The following NRP2 variants were observed in gnomAD, a reference collection of about 807,000 sequenced individuals.
NRP2 encodes the protein neuropilin 2, also known as neuropilin-2.
NRP2 carries 52 observed loss-of-function variants against 110.4 expected under a neutral mutation model. The ratio of observed to expected loss-of-function variants is 0.47; its 90% CI spans 0.38 to 0.59. The LOEUF is 0.59. Among genes scored for constraint, NRP2 ranks in the 20% least tolerant of loss-of-function variants. The probability of loss-of-function intolerance (pLI) is 0.00; values close to 1 mark genes in which losing one functional copy is unlikely to be tolerated. For synonymous variants in NRP2, 508 were observed against 468.9 expected, an observed-to-expected ratio of 1.08 and a Z score of -1.08; for missense variants, 1,049 against 1,203.0, an observed-to-expected ratio of 0.87 and a Z score of 1.89.
At chr2:205,764,063 C>CG in intron 13 of NRP2, 127 bp downstream of exon 13, 2 of 1,158,970 alleles carry the variant, frequency 1.7e-6, no homozygotes, top group Non-Finnish European at 1.2e-6. Flanking sequence ...GCCATGGCAA[C>CG]TGAATGACAC....
At chr2:205,750,528 C>T (rs772508589) in intron 11 of NRP2, among the ~76,000 whole-genome samples, 2 of 152,180 alleles carry the variant, frequency 1.3e-5, no homozygotes, top group Non-Finnish European at 1.5e-5. Context: ...CATTTATCTT[C>T]GGAGTATATC....
chr2:205,779,635 C>G (rs2058151235), intron 15 of NRP2: 1 of 152,116 alleles, frequency 6.6e-6, no homozygotes, highest in Non-Finnish European at 1.5e-5. Context: ...GCCTGTGTGT[C>G]AAAATAACTT....
At chr2:205,743,825 C>A in intron 9 of NRP2, 3 of 490,004 alleles carry the variant, frequency 6.1e-6, no homozygotes, top group Non-Finnish European at 1.0e-5. Context: ...CTCACTGCAA[C>A]CTCCGCCTCC....
chr2:205,708,413 A>C lies in NRP2; in HGVS notation c.252-7780A>C, dbSNP rs566947234. Among the ~76,000 whole-genome samples, 4 of 152,306 alleles carry C rather than the reference A, an allele frequency of 2.6e-5. No homozygotes were observed. In the East Asian group the frequency reaches 7.7e-4, roughly 29 times the overall value. The stretch of plus-strand genomic sequence containing the variant: ...TGCTGGCCAGCCAGGTCAGCGAGGG[A>C]AATGGTATTCACCCAAAGGACCAGT... On this transcript the variant is annotated intron_variant, in intron 2 of 16. Coordinates refer to ENST00000357785, the MANE Select transcript of NRP2 (RefSeq NM_003872.3).
chr2:205,789,218 G>A (rs1186450107), intron 15 of NRP2, among the ~76,000 whole-genome samples: 4 of 152,152 alleles, frequency 2.6e-5, no homozygotes, highest in Admixed American at 1.3e-4. Context: ...AATGCAGACT[G>A]GGGATCCACC....
At chr2:205,764,504 C>G (rs1486843735) in intron 13 of NRP2, 1 of 158,106 alleles carries the variant, frequency 6.3e-6, no homozygotes, top group African/African-American at 2.4e-5. Context: ...GTATGTTCAG[C>G]CGTGGTTGCA....
chr2:205,755,140 C>T (rs907458219), intron 12 of NRP2, among the ~76,000 whole-genome samples: 10 of 152,158 alleles, frequency 6.6e-5, no homozygotes, highest in Admixed American at 1.3e-4. Flanking sequence ...GGCCTTCACC[C>T]GAAAGCCCCT....
chr2:205,710,071 G>C (rs935505904), intron 2 of NRP2, among the ~76,000 whole-genome samples: 1 of 152,132 alleles, frequency 6.6e-6, no homozygotes, highest in Non-Finnish European at 1.5e-5. Context: ...CAACTCAAAA[G>C]AGCAAGATTC....
Position 205,725,472 on chromosome 2 carries a change from T to A in NRP2, c.821-441T>A, listed in dbSNP as rs1020958605. Reference sequence around the variant, plus strand: ...TTCTGTGCCAGAACTCACAAGACAGTTGAGTGAAAAAAGAAAGAAGCAAAA... The same window carrying A: ...TTCTGTGCCAGAACTCACAAGACAGATGAGTGAAAAAAGAAAGAAGCAAAA... On this transcript the variant is annotated intron_variant, in intron 5 of 16. Coordinates refer to ENST00000357785, the MANE Select transcript of NRP2 (RefSeq NM_003872.3). The surrounding 1 kb of genome is among the most constrained non-coding windows in gnomAD (Gnocchi z 4.1). 1.3e-4 allele frequency among the ~76,000 whole-genome samples: 20 copies of A among 152,114 alleles called. No homozygotes were observed. Among genetic ancestry groups the A allele is most frequent in the African/African-American group, 4.6e-4 (19 of 41,402 alleles).
Position 205,745,751 on chromosome 2 carries a change from C to T in NRP2, c.1647C>T (p.Phe549=), listed in dbSNP as rs748880896. 7.4e-6 allele frequency: 12 copies of T among 1,613,970 alleles called. No individual in the cohort carries two copies. Among genetic ancestry groups the T allele is most frequent in the African/African-American group, 6.7e-5 (5 of 74,928 alleles). ...QDPRTQQPKL[F]EGNMHYDTPD... ...AGTGGCCTCTCTCCCTGCAGCTGTT[C>T]GAAGGGAACATGCACTATGACACCC... is the stretch of plus-strand genomic sequence containing the variant. Residue 549 remains phenylalanine, a synonymous_variant, in exon 10 of 17, where the codon TTC becomes TTT. Transcript: ENST00000357785.
chr2:205,771,611 T>C (rs1310081484), intron 15 of NRP2, among the ~76,000 whole-genome samples: 2 of 152,208 alleles, frequency 1.3e-5, no homozygotes, highest in Non-Finnish European at 2.9e-5. Flanking sequence ...AAAGCAGCTA[T>C]AGTATATGCT....
chr2:205,746,949 T>A (rs1392495239), intron 10 of NRP2, among the ~76,000 whole-genome samples: 4 of 152,086 alleles, frequency 2.6e-5, no homozygotes, highest in African/African-American at 7.2e-5. Context: ...AGCGAACACA[T>A]CTTCATAGGA....
intron 1 of NRP2, among the ~76,000 whole-genome samples, chr2:205,685,030 C>G (rs1380402611): frequency 2.0e-5 from 3 of 152,180 alleles, no homozygotes; most frequent in African/African-American, 7.2e-5. Flanking sequence ...CGGGAGGGGT[C>G]GTGAAGACTC....
At chr2:205,782,887 T>TATTTTTTACTATTATAA (rs2058193193) in intron 15 of NRP2, among the ~76,000 whole-genome samples, 1 of 152,112 alleles carries the variant, frequency 6.6e-6, no homozygotes, top group Non-Finnish European at 1.5e-5. Flanking sequence ...TAAACAATAC[T>TATTTTTTACTATTATAA]GCAATGAACA....
rs182595775 is a variant in NRP2 at position 205,718,172 on chromosome 2, G to T, written c.433+1798G>T. On this transcript the variant is annotated intron_variant, in intron 3 of 16. Coordinates refer to ENST00000357785, the MANE Select transcript of NRP2 (RefSeq NM_003872.3). ...GGCCAAGGGAAGTCAGAACAAGGGT[G>T]AGCAGGGCCATGAAAACTCAGCCTT... 1.1e-4 allele frequency among the ~76,000 whole-genome samples: 16 copies of T among 152,284 alleles called. 1 individual carries two copies. Among genetic ancestry groups the T allele is most frequent in the African/African-American group, 3.4e-4 (14 of 41,576 alleles).
chr2:205,764,104 C>A, intron 13 of NRP2, 168 bp downstream of exon 13: 1 of 842,118 alleles, frequency 1.2e-6, no homozygotes, highest in Non-Finnish European at 1.8e-6. Flanking sequence ...ATGCCTATCT[C>A]TACACCCAGA....
intron 7 of NRP2, among the ~76,000 whole-genome samples, chr2:205,735,180 TG>T (rs1231760249): frequency 3.3e-5 from 5 of 152,046 alleles, no homozygotes; most frequent in Non-Finnish European, 7.4e-5. Context: ...CCTGGGCACA[TG>T]GGTATTGATA....
At chr2:205,754,050 C>T (rs1233114356) in intron 12 of NRP2, among the ~76,000 whole-genome samples, 2 of 152,158 alleles carry the variant, frequency 1.3e-5, no homozygotes, top group East Asian at 3.9e-4. Flanking sequence ...GCTTGCAAAA[C>T]ACTTGACAAG....
intron 3 of NRP2, among the ~76,000 whole-genome samples, chr2:205,718,344 T>C (rs950824121): frequency 6.6e-6 from 1 of 152,226 alleles, no homozygotes; most frequent in East Asian, 1.9e-4. Flanking sequence ...GGTATCATAA[T>C]TCAATATCGC....
Sources: gnomAD v4.1 joint callset for allele counts (sites outside exome capture counted in the v4.1 genomes callset) on GRCh38, gnomAD v4.1.1 for gene constraint, Gnocchi (gnomAD v3.1) non-coding constraint, MANE v1.5 for transcripts, NCBI Gene and HGNC (gene_info 2026-07-23, HGNC 2026-07-21) for gene names.